The following HR variants were observed in gnomAD, a reference collection of about 807,000 sequenced individuals.
HR encodes the protein lysine-specific demethylase hairless.
HR carries 83 observed loss-of-function variants against 128.6 expected under a neutral mutation model. The ratio of observed to expected loss-of-function variants is 0.65; its 90% CI spans 0.54 to 0.77. The LOEUF is 0.77. Among genes scored for constraint, HR ranks in the 30% least tolerant of loss-of-function variants. HR has a pLI of 0.00. For missense variants in HR, 1,490 were observed against 1,574.6 expected (o/e 0.95, Z 0.91); for synonymous variants, 681 against 658.2 (o/e 1.03, Z -0.53).
At chr8:22,118,686 G>C in intron 16 of HR, 1 of 555,172 alleles carries the variant, frequency 1.8e-6, no homozygotes, top group Non-Finnish European at 3.2e-6. Context: ...CTAGCACCAC[G>C]TCCAGCCTCG....
rs144643140 is a variant in HR, at chr8:22,125,680, T to C, written c.1458A>G (p.Pro486=). Residue 486 remains proline, a synonymous_variant, in exon 4 of 19, where the codon CCA becomes CCG. Coordinates refer to ENST00000381418, the MANE Select transcript of HR (RefSeq NM_005144.5). ...SLQDPGLQDI[P]CLALPAKLAQ... is the part of the protein sequence containing the mutation. ...CCAGTTTTGCAGGGAGAGCCAGGCATGGTATGTCCTGAAGTCCCGGGTCCT... is the reference window on the plus strand; with the variant it reads ...CCAGTTTTGCAGGGAGAGCCAGGCACGGTATGTCCTGAAGTCCCGGGTCCT... The C allele has an allele frequency of 5.9e-4, 953 of 1,613,890 alleles. 1 individual carries two copies. The highest frequency in any genetic ancestry group is 7.2e-4 in the Non-Finnish European group (855 of 1,179,976).
chr8:22,129,428 T>C (rs1029159840), intron 1 of HR, among the ~76,000 whole-genome samples: 2 of 152,238 alleles, frequency 1.3e-5, no homozygotes, highest in Non-Finnish European at 2.9e-5. Context: ...AAATTCCACC[T>C]GGGCCAGTGC....
chr8:22,116,739 C>A lies in HR; in HGVS notation c.3378+136G>T, dbSNP rs1016278042. Reference sequence around the variant, plus strand: ...AGGCCTCTTGGCTCCCCCGTTATCTCTTCCCCACAGCAGCGTGCGGCTCCC... The same window carrying A: ...AGGCCTCTTGGCTCCCCCGTTATCTATTCCCCACAGCAGCGTGCGGCTCCC... On this transcript the variant is annotated intron_variant, in intron 17 of 18. Transcript: ENST00000381418. The surrounding 1 kb of genome is among the most constrained non-coding windows in gnomAD (Gnocchi z 4.2). The A allele has an allele frequency of 6.3e-6, 8 of 1,278,984 alleles. No individual in the cohort carries two copies. Among genetic ancestry groups the A allele is most frequent in the Admixed American group, 3.9e-5 (2 of 50,688 alleles). The allele number at this position is 1,278,984 out of a possible 1,614,324, so 79.2% of individuals were successfully genotyped here. A position where few individuals can be genotyped will look rare whatever the true frequency, so the allele number is the denominator to read the frequency against.
At position 22,125,368 on chromosome 8, in the gene HR, G is replaced by A. The variant is rs1207891536; in HGVS notation, c.1693C>T (p.Arg565Ter). ...TCCCTCCGCAGCAGGCGGCACAGTC[G>A]GTCCCCCAAACCACTGAGCAGGTGC... ...AKHLLSGLGD[R>*]LCRLLRRERE... Residue 565 changes from arginine (R) to a stop codon, truncating the protein, a stop_gained, in exon 5 of 19, where the codon CGA becomes TGA. Transcript: ENST00000381418. LOFTEE classifies it high-confidence loss of function. 4.4e-6 allele frequency: 7 copies of A among 1,607,334 alleles called. No homozygotes were observed. Among genetic ancestry groups the A allele is most frequent in the East Asian group, 2.2e-5 (1 of 44,686 alleles).
At chr8:22,122,985 C>T in intron 6 of HR, 106 bp from the exon 7 acceptor site, 1 of 1,072,162 alleles carries the variant, frequency 9.3e-7, no homozygotes, top group Non-Finnish European at 1.4e-6. Flanking sequence ...ACTCAATAGT[C>T]CACAAAACTC....
At position 22,120,832 on chromosome 8, in the gene HR, G is replaced by C. The variant is rs1389293298; in HGVS notation, c.2494C>G (p.Leu832Val). 4 of 1,551,438 alleles carry C rather than the reference G, an allele frequency of 2.6e-6. No homozygotes were observed. The highest frequency in any genetic ancestry group is 2.4e-5 in the South Asian group (2 of 84,240). Residue 832 changes from leucine to valine, a missense_variant, in exon 11 of 19, where the codon CTC becomes GTC. Physicochemically the swap from Leu to Val is conservative, Grantham distance 32. Transcript: ENST00000381418. ...GGCAGCCGGGGCCGCACTGGAGAGAGGGGCAGGCCCAGGCCCTTGCGCAGA... is the reference window on the plus strand; with the variant it reads ...GGCAGCCGGGGCCGCACTGGAGAGACGGGCAGGCCCAGGCCCTTGCGCAGA... The part of the protein sequence containing the change: ...PGLRKGLGLP[L>V]SPVRPRLPPP...
At chr8:22,125,537 G>A in intron 4 of HR, 33 bp from the exon 5 acceptor site, 1 of 1,613,000 alleles carries the variant, frequency 6.2e-7, no homozygotes, top group Admixed American at 1.7e-5. Flanking sequence ...TGAGCAGGGA[G>A]CCCTGGCGAG....
chr8:22,130,897 G>C lies in HR; in HGVS notation c.-510C>G, dbSNP rs1247329991. 6.6e-6 allele frequency: 1 copy of C among 152,256 alleles called. No individual in the cohort carries two copies. 9.4% of individuals were successfully genotyped at this position (152,256 alleles called of 1,614,324 possible). On this transcript the variant is annotated 5_prime_UTR_variant, in exon 1 of 19. Coordinates refer to ENST00000381418, the MANE Select transcript of HR (RefSeq NM_005144.5). ...CCTGGATGGTGGGGGCCGATCCTGG[G>C]ACCCAGGAGAGAGGCACCGGCGAGG...
intron 8 of HR, 52 bp downstream of exon 8, chr8:22,122,441 G>A: frequency 2.2e-6 from 3 of 1,346,820 alleles, no homozygotes; most frequent in Non-Finnish European, 3.1e-6. Context: ...CCCTGCAAAG[G>A]TCAGCCATTT....
rs755743102 is a variant in HR at position 22,123,752 on chromosome 8, G to T, written c.1812C>A (p.His604Gln). 1.6e-5 allele frequency: 26 copies of T among 1,600,418 alleles called. No individual in the cohort carries two copies. Among genetic ancestry groups the T allele is most frequent in the Middle Eastern group, 1.6e-4 (1 of 6,076 alleles). Reference sequence around the variant, plus strand: ...GCCAGTGGGTGTTGAAGAGTCCATGGTGGCAACGGCTGCAGCAGCGTGGAA... The same window carrying T: ...GCCAGTGGGTGTTGAAGAGTCCATGTTGGCAACGGCTGCAGCAGCGTGGAA... The part of the protein sequence containing the change: ...PGIPRCCSRC[H>Q]HGLFNTHWRC... Residue 604 changes from histidine (H) to glutamine (Q), a missense_variant, in exon 6 of 19, where the codon CAC (histidine) becomes CAA (glutamine). His to Gln is a conservative substitution (Grantham distance 24). Transcript: ENST00000381418.
In HR at chr8:22,120,788, C is replaced by T. The variant is rs1826725373; in HGVS notation, c.2538G>A (p.Leu846=). ...RPRLPPPGAL[L]WLQEPQPCPR... ...GGCAAGGCTGGGGCTCCTGCAGCCA[C>T]AGCAAAGCCCCTGGGGGAGGCAGCC... Residue 846 remains leucine (L), a synonymous_variant, in exon 11 of 19, where the codon CTG becomes CTA. Coordinates refer to ENST00000381418, the MANE Select transcript of HR (RefSeq NM_005144.5). 1 of 1,537,288 alleles carries T rather than the reference C, an allele frequency of 6.5e-7. No homozygotes were observed. The highest frequency in any genetic ancestry group is 2.5e-5 in the East Asian group (1 of 40,696).
At chr8:22,118,788 C>T (rs1324882648) in intron 16 of HR, 162 bp downstream of exon 16, 1 of 633,592 alleles carries the variant, frequency 1.6e-6, no homozygotes, top group Non-Finnish European at 2.8e-6. Flanking sequence ...ACTCCGGGTC[C>T]CCTCTGCCTT....
chr8:22,127,806 G>A lies in HR; in HGVS notation c.636C>T (p.Ser212=). ...GSKGFYYKDP[S]IPRLAKEPLA... ...AGGGCTCCTTTGCCAACCTGGGAAT[G>A]CTCGGATCCTTGTAGTAAAAGCCCT... The change falls in exon 3 of 19, where the codon AGC becomes AGT. Residue 212 remains serine (S), a synonymous_variant. Coordinates refer to ENST00000381418, the MANE Select transcript of HR (RefSeq NM_005144.5). The A allele has an allele frequency of 6.3e-7, 1 of 1,598,828 alleles. No homozygotes were observed. Among genetic ancestry groups the A allele is most frequent in the Non-Finnish European group, 8.5e-7 (1 of 1,179,964 alleles).
Position 22,123,795 on chromosome 8 carries a change from G to A in HR, c.1769C>T (p.Thr590Ile), listed in dbSNP as rs1307431563. The change falls in exon 6 of 19, where the codon ACA becomes ATA. Residue 590 changes from threonine (T) to isoleucine (I), a missense_variant. This residue lies in a region of HR where 1,060 missense variants were observed against 1,060.9 expected (regional missense o/e 1.00). Coordinates refer to ENST00000381418, the MANE Select transcript of HR (RefSeq NM_005144.5). ...GCGTGGAATGCCTGGGCTGTCCTCT[G>A]TCACGGCTGGCCCTTGGCCTGCTGA... ...AQREGQGPAVTEDSPGIPRCC... is the reference protein window; with the variant it reads ...AQREGQGPAVIEDSPGIPRCC... 4 of 1,602,404 alleles carry A rather than the reference G, an allele frequency of 2.5e-6. No homozygotes were observed.
Position 22,116,155 on chromosome 8 carries a change from C to A in HR, c.3507+145G>T, listed in dbSNP as rs1031652816. On this transcript the variant is annotated intron_variant, in intron 18 of 18. Transcript: ENST00000381418. The surrounding 1 kb of genome is among the most constrained non-coding windows in gnomAD (Gnocchi z 4.2). ...ATCTCAAAAAACAAAATGAAACAAA[C>A]TAAACAAAAGGAATACTCTGCCCCT... 1.9e-5 allele frequency: 22 copies of A among 1,158,770 alleles called. No individual in the cohort carries two copies. Among genetic ancestry groups the A allele is most frequent in the Middle Eastern group, 2.9e-4 (1 of 3,456 alleles). The allele number at this position is 1,158,770 out of a possible 1,614,324, so 71.8% of individuals were successfully genotyped here.
rs1253142028 is a variant in HR at position 22,114,951 on chromosome 8, C to T, written c.*749G>A. ...AAGAGCAGGCAGTGGTGTCCTGTCC[C>T]TTGGGCCCCAGCTCCGGGCTGCCCT... On this transcript the variant is annotated 3_prime_UTR_variant, in exon 19 of 19. Transcript: ENST00000381418. 2.0e-5 allele frequency: 3 copies of T among 152,836 alleles called. No individual in the cohort carries two copies. Among genetic ancestry groups the T allele is most frequent in the African/African-American group, 7.2e-5 (3 of 41,466 alleles). The allele number at this position is 152,836 out of a possible 1,614,324, so 9.5% of individuals were successfully genotyped here. A position where few individuals can be genotyped will look rare whatever the true frequency, so the allele number is the denominator to read the frequency against.
Position 22,115,151 on chromosome 8 carries a change from G to A in HR, c.*549C>T, listed in dbSNP as rs906864384. The A allele has an allele frequency of 1.1e-5, 2 of 175,124 alleles. No individual in the cohort carries two copies. Among genetic ancestry groups the A allele is most frequent in the South Asian group, 2.9e-4 (2 of 6,952 alleles). 10.8% of individuals were successfully genotyped at this position (175,124 alleles called of 1,614,324 possible). ...GGGGCTGAGTGACATCGCCCATGCC[G>A]CTCCCTCCGCCAAGCCTGAGCAGCT... On this transcript the variant is annotated 3_prime_UTR_variant, in exon 19 of 19. Transcript: ENST00000381418.
rs761369619 is a variant in HR at position 22,128,950 on chromosome 8, G to A, written c.221C>T (p.Pro74Leu). The change falls in exon 2 of 19, where the codon CCA becomes CTA. Residue 74 changes from proline (P) to leucine (L), a missense_variant. Coordinates refer to ENST00000381418, the MANE Select transcript of HR (RefSeq NM_005144.5). The stretch of plus-strand genomic sequence containing the variant: ...CTGGGGGCCCTCGCCCTCCACAAGT[G>A]GGAGCATGTCCTTGGGGCCCTGGGG... ...GFPQGPKDML[P>L]LVEGEGPQNG... 5 of 1,613,352 alleles carry A rather than the reference G, an allele frequency of 3.1e-6. No individual in the cohort carries two copies. The highest frequency in any genetic ancestry group is 4.2e-6 in the Non-Finnish European group (5 of 1,180,036).
chr8:22,124,460 G>A (rs1005855328), intron 5 of HR, among the ~76,000 whole-genome samples: 8 of 152,224 alleles, frequency 5.3e-5, no homozygotes, highest in African/African-American at 1.7e-4. Flanking sequence ...AAAAGGTGTC[G>A]CTGAGTACAA....
Sources: gnomAD v4.1 joint callset for allele counts (sites outside exome capture counted in the v4.1 genomes callset) on GRCh38, gnomAD v4.1.1 for gene constraint, gnomAD v4.1.1 regional missense constraint, Gnocchi (gnomAD v3.1) non-coding constraint, MANE v1.5 for transcripts, NCBI Gene and HGNC (gene_info 2026-07-23, HGNC 2026-07-21) for gene names.